Variants in AFAP1 observed in about 807,000 individuals in gnomAD.
AFAP1 encodes actin filament associated protein 1.
In AFAP1, 75 loss-of-function variants were observed where a neutral mutation model predicts 93.9. That is an observed-to-expected ratio of 0.80 (90% CI 0.66 to 0.97). The LOEUF (loss-of-function observed/expected upper bound fraction) is 0.97, where lower values mean the gene tolerates loss of function less well. Ranked by LOEUF, AFAP1 falls within the 50% of genes least tolerant of loss-of-function variation. AFAP1 has a pLI of 0.00. For missense variants in AFAP1, 1,201 were observed against 1,050.8 expected (o/e 1.14, Z -1.98); for synonymous variants, 517 against 430.7 (o/e 1.20, Z -2.48).
intron 11 of AFAP1, among the ~76,000 whole-genome samples, chr4:7,788,092 G>A (rs1229926466): frequency 6.6e-6 from 1 of 152,244 alleles, no homozygotes; most frequent in African/African-American, 2.4e-5. Context: ...CAGGGACCAT[G>A]CGGGCACACA....
At chr4:7,778,932 TG>T (rs1456022708) in intron 13 of AFAP1, 56 bp from the exon 14 acceptor site, 11 of 1,341,900 alleles carry the variant, frequency 8.2e-6, no homozygotes, top group Non-Finnish European at 1.0e-5. Context: ...AAACAAATCT[TG>T]GTCTTTTTTT....
intron 9 of AFAP1, among the ~76,000 whole-genome samples, chr4:7,806,374 A>G (rs1719517468): frequency 6.6e-6 from 1 of 151,662 alleles, no homozygotes; most frequent in Admixed American, 6.6e-5. Flanking sequence ...CCCACAAACA[A>G]GGCCCTCACA....
rs1233789668 is a variant in AFAP1 at position 7,773,022 on chromosome 4, A to G, written c.2063-12T>C. The G allele has an allele frequency of 6.2e-7, 1 of 1,605,050 alleles. No homozygotes were observed. The highest frequency in any genetic ancestry group is 1.7e-5 in the Admixed American group (1 of 59,908). On this transcript the variant is annotated splice_polypyrimidine_tract_variant and intron_variant, in intron 15 of 17. Coordinates refer to ENST00000420658, the MANE Select transcript of AFAP1 (RefSeq NM_001134647.2). ...CTGCGGCTTCCTGCCTGGAATTCCC[A>G]GAAACGCCGTTACTCCCGCGGCAGG...
rs762592618 is a variant in AFAP1 at position 7,858,861 on chromosome 4, C to T, written c.226-3287G>A. Among the ~76,000 whole-genome samples, 26 of 152,240 alleles carry T rather than the reference C, an allele frequency of 1.7e-4. 1 individual carries two copies. The highest frequency in any genetic ancestry group is 6.5e-5 in the Admixed American group (1 of 15,288). On this transcript the variant is annotated intron_variant, in intron 3 of 17. Coordinates refer to ENST00000420658, the MANE Select transcript of AFAP1 (RefSeq NM_001134647.2). The stretch of plus-strand genomic sequence containing the variant: ...GCATTCTTATAAAGTTACAGGTCCA[C>T]AGACAACAAAGCCAACTTTACCTCT...
At chr4:7,771,249 G>C (rs1002524365) in intron 16 of AFAP1, among the ~76,000 whole-genome samples, 1 of 152,130 alleles carries the variant, frequency 6.6e-6, no homozygotes, top group Non-Finnish European at 1.5e-5. Flanking sequence ...GCTGGGCATG[G>C]CGGCCCCCGC....
At chr4:7,784,126 C>CGAGTTCT (rs1717040270) in intron 12 of AFAP1, among the ~76,000 whole-genome samples, 1 of 152,112 alleles carries the variant, frequency 6.6e-6, no homozygotes. Context: ...CTCGCACAAG[C>CGAGTTCT]CCCTACCCAG....
chr4:7,862,984 G>A (rs28572044), intron 3 of AFAP1, among the ~76,000 whole-genome samples: 46,746 of 152,062 alleles, frequency 0.31, 7,434 homozygotes, highest in South Asian at 0.45. Flanking sequence ...AGTGGGTCAC[G>A]GCAGCCAGCG....
intron 1 of AFAP1, among the ~76,000 whole-genome samples, chr4:7,898,808 A>AGAGTGTGT (rs376959896): frequency 5.1e-5 from 7 of 136,954 alleles, no homozygotes; most frequent in African/African-American, 1.4e-4. Context: ...GGGCAGTAGA[A>AGAGTGTGT]GTGTGTGTGT....
intron 2 of AFAP1, 36 bp from the exon 3 acceptor site, chr4:7,868,755 G>C (rs778684484): frequency 1.3e-6 from 2 of 1,584,850 alleles, no homozygotes; most frequent in Non-Finnish European, 1.7e-6. Context: ...AACTGGATGA[G>C]GATGGGGATG....
chr4:7,869,290 TGGC>T (rs1406979033), intron 2 of AFAP1, among the ~76,000 whole-genome samples: 1 of 152,018 alleles, frequency 6.6e-6, no homozygotes, highest in Non-Finnish European at 1.5e-5. Flanking sequence ...TAGATGGAAA[TGGC>T]GGCACTAGTG....
intron 9 of AFAP1, among the ~76,000 whole-genome samples, chr4:7,807,202 T>C (rs146155704): frequency 5.3e-5 from 5 of 95,046 alleles, no homozygotes; most frequent in Non-Finnish European, 7.9e-5. Flanking sequence ...CCTGGAGCAT[T>C]AAAAAACAAA....
intron 17 of AFAP1, 83 bp downstream of exon 17, chr4:7,768,761 G>A (rs1714977204): frequency 7.1e-7 from 1 of 1,414,624 alleles, no homozygotes; most frequent in Non-Finnish European, 9.3e-7. Flanking sequence ...AAGAAGAATG[G>A]GCTCCCTACT....
At chr4:7,871,923 G>A (rs1208694058) in intron 2 of AFAP1, 29 bp downstream of exon 2, 2 of 1,612,228 alleles carry the variant, frequency 1.2e-6, no homozygotes, top group South Asian at 1.1e-5. Flanking sequence ...ACTGTAAGAA[G>A]GAAAAGCAGG....
intron 1 of AFAP1, among the ~76,000 whole-genome samples, chr4:7,910,953 G>A (rs1052899951): frequency 6.6e-6 from 1 of 152,194 alleles, no homozygotes; most frequent in Non-Finnish European, 1.5e-5. Flanking sequence ...GCACCGAGGG[G>A]TGGATCTTCT....
intron 1 of AFAP1, among the ~76,000 whole-genome samples, chr4:7,873,242 CA>C (rs1195209480): frequency 0.35 from 22,478 of 64,094 alleles, 1,911 homozygotes; most frequent in Middle Eastern, 0.43. Context: ...GACTCTGTCT[CA>C]AAAAAAAAAA....
At chr4:7,830,836 T>A (rs954381584) in intron 6 of AFAP1, among the ~76,000 whole-genome samples, 11 of 152,164 alleles carry the variant, frequency 7.2e-5, no homozygotes, top group African/African-American at 2.7e-4. Flanking sequence ...CTTGAACTCC[T>A]GGCCTCAAGT....
In AFAP1 at chr4:7,832,541, A is replaced by C. The variant is rs201970822; in HGVS notation, c.726+5983T>G. Among the ~76,000 whole-genome samples the C allele has an allele frequency of 3.3e-5, 5 of 152,046 alleles. No individual in the cohort carries two copies. In the East Asian group the frequency reaches 9.7e-4, roughly 29 times the overall value. On this transcript the variant is annotated intron_variant, in intron 6 of 17. Transcript: ENST00000420658. ...CACCCCACTCCTGAGCCCTTTTCTC[A>C]CAACAGGTACTTGCCGGCAACGATG...
chr4:7,934,654 G>A (rs1721277607), intron 1 of AFAP1, among the ~76,000 whole-genome samples: 2 of 152,288 alleles, frequency 1.3e-5, no homozygotes, highest in South Asian at 4.1e-4. Flanking sequence ...CACAGCTTCT[G>A]AGGTGGCTGG....
chr4:7,840,801 T>C (rs979636708), intron 5 of AFAP1, among the ~76,000 whole-genome samples: 1 of 152,216 alleles, frequency 6.6e-6, no homozygotes, highest in Non-Finnish European at 1.5e-5. Flanking sequence ...GAAAAGCAAC[T>C]AATCGTACAA....
Sources: gnomAD v4.1 joint callset for allele counts (sites outside exome capture counted in the v4.1 genomes callset) on GRCh38, gnomAD v4.1.1 for gene constraint, MANE v1.5 for transcripts, NCBI Gene and HGNC (gene_info 2026-07-23, HGNC 2026-07-21) for gene names.